Variants in PMPCA observed in about 807,000 individuals in gnomAD.
The protein encoded by PMPCA is peptidase, mitochondrial processing subunit alpha.
In PMPCA, 47 loss-of-function variants were observed where a neutral mutation model predicts 59.3. That is an observed-to-expected ratio of 0.79 (90% CI 0.63 to 1.01). PMPCA has a LOEUF of 1.01. Among genes scored for constraint, PMPCA ranks in the 50% least tolerant of loss-of-function variants. The pLI is 0.00. For missense variants in PMPCA, 726 were observed against 704.5 expected (o/e 1.03, Z -0.34); for synonymous variants, 338 against 290.3 (o/e 1.16, Z -1.67).
intron 2 of PMPCA, 79 bp from the exon 3 acceptor site, chr9:136,412,411 G>T: frequency 2.5e-6 from 2 of 812,304 alleles, no homozygotes; most frequent in South Asian, 1.5e-5. Context: ...ATGTCATATT[G>T]ACATCTTAAA....
rs755363235 is a variant in PMPCA, at chr9:136,419,216, G to A, written c.1263+110G>A. On this transcript the variant is annotated intron_variant, in intron 11 of 12. Coordinates refer to ENST00000371717, the MANE Select transcript of PMPCA (RefSeq NM_015160.3). ...CCTGGTCCCTGAGCCTCAGGGCCAAGGTCCCGGCAGGGCAGGGCAGGGCAG... is the reference window on the plus strand; with the variant it reads ...CCTGGTCCCTGAGCCTCAGGGCCAAAGTCCCGGCAGGGCAGGGCAGGGCAG... 6.7e-6 allele frequency: 7 copies of A among 1,041,546 alleles called. No individual in the cohort carries two copies. In the South Asian group the frequency reaches 7.6e-5, roughly 11 times the overall value. 64.5% of individuals were successfully genotyped at this position (1,041,546 alleles called of 1,614,324 possible).
At chr9:136,416,702 T>G in intron 6 of PMPCA, 2 of 590,870 alleles carry the variant, frequency 3.4e-6, no homozygotes, top group Non-Finnish European at 6.0e-6. Flanking sequence ...ATTTTCCAGT[T>G]TTTATAGTAA....
Position 136,422,007 on chromosome 9 carries a change from C to T in PMPCA, c.1408+31C>T, listed in dbSNP as rs11145972. On this transcript the variant is annotated intron_variant, in intron 12 of 12. Transcript: ENST00000371717. ...TACCGCAGGGGTAGTGAGGGGCTGC[C>T]GCAGGCCTCGGCCAGGCTCAGAGGA... 0.034 allele frequency: 54,210 copies of T among 1,583,112 alleles called. 1,162 individuals carry two copies. Among genetic ancestry groups the T allele is most frequent in the East Asian group, 0.098 (4,221 of 42,978 alleles).
At chr9:136,419,479 G>A (rs1453482193) in intron 11 of PMPCA, 1 of 387,328 alleles carries the variant, frequency 2.6e-6, no homozygotes, top group Non-Finnish European at 4.9e-6. Flanking sequence ...CCGCCTCTGT[G>A]AGGTGACTGG....
At chr9:136,418,422 C>G (rs188514375) in intron 8 of PMPCA, 133 bp from the exon 9 acceptor site, 34 of 684,892 alleles carry the variant, frequency 5.0e-5, no homozygotes, top group Non-Finnish European at 8.3e-5. Flanking sequence ...CTCTGCCCTC[C>G]GTCCCTGGCG....
intron 1 of PMPCA, among the ~76,000 whole-genome samples, chr9:136,411,678 C>A (rs1835121861): frequency 6.6e-6 from 1 of 152,310 alleles, no homozygotes; most frequent in African/African-American, 2.4e-5. Flanking sequence ...TCCAAGACTT[C>A]GGTGGTGCTG....
chr9:136,417,268 CG>C (rs1835309627), intron 7 of PMPCA, 54 bp downstream of exon 7: 1 of 1,454,942 alleles, frequency 6.9e-7, no homozygotes, highest in Admixed American at 2.1e-5. Flanking sequence ...TCCCCTGGCC[CG>C]TGGTGTGACC....
At chr9:136,413,777 C>CT (rs1234133215) in intron 4 of PMPCA, among the ~76,000 whole-genome samples, 1 of 152,194 alleles carries the variant, frequency 6.6e-6, no homozygotes, top group Non-Finnish European at 1.5e-5. Flanking sequence ...GGCTTTTGTT[C>CT]TTGCCATTCT....
In PMPCA at chr9:136,419,471, G is replaced by A. The variant is rs115946076; in HGVS notation, c.1263+365G>A. 897 of 399,428 alleles carry A rather than the reference G, an allele frequency of 2.2e-3. 4 individuals are homozygous for A. Among genetic ancestry groups the A allele is most frequent in the African/African-American group, 0.016 (795 of 49,468 alleles). 24.7% of individuals were successfully genotyped at this position (399,428 alleles called of 1,614,324 possible). A position where few individuals can be genotyped will look rare whatever the true frequency, so the allele number is the denominator to read the frequency against. ...AGGAGTTTTTGTGTCCTTCTCAGCC[G>A]CCTCTGTGAGGTGACTGGGGTGAAG... On this transcript the variant is annotated intron_variant, in intron 11 of 12. Transcript: ENST00000371717.
chr9:136,413,024 G>T (rs1835178650), intron 4 of PMPCA, 132 bp downstream of exon 4: 1 of 680,772 alleles, frequency 1.5e-6, no homozygotes, highest in Admixed American at 2.5e-5. Flanking sequence ...CCCTGTCCTG[G>T]ATGGAGACTT....
rs147737752 is a variant in PMPCA at position 136,418,834 on chromosome 9, C to T, written c.1116C>T (p.His372=). 2 of 1,611,704 alleles carry T rather than the reference C, an allele frequency of 1.2e-6. No homozygotes were observed. Among genetic ancestry groups the T allele is most frequent in the Non-Finnish European group, 1.7e-6 (2 of 1,178,746 alleles). Residue 372 remains histidine (H), a synonymous_variant, in exon 10 of 13, where the codon CAC becomes CAT. Coordinates refer to ENST00000371717, the MANE Select transcript of PMPCA (RefSeq NM_015160.3). ...RLYLNVLNRH[H]WMYNATSYHH... ...GACTCTCGCTTCCTCCCAGGCACCA[C>T]TGGATGTATAACGCGACCTCCTACC...
intron 1 of PMPCA, among the ~76,000 whole-genome samples, chr9:136,411,650 T>C (rs1442611674): frequency 1.3e-5 from 2 of 152,212 alleles, no homozygotes; most frequent in Non-Finnish European, 2.9e-5. Flanking sequence ...ACCAGGTTAA[T>C]AAGGGATATG....
At chr9:136,412,223 G>C in intron 2 of PMPCA, 24 bp downstream of exon 2, 2 of 1,549,256 alleles carry the variant, frequency 1.3e-6, no homozygotes, top group Non-Finnish European at 1.8e-6. Context: ...TGTTGTCGTG[G>C]GTGGTCCCGC....
intron 11 of PMPCA, among the ~76,000 whole-genome samples, chr9:136,421,404 G>GTTTTTTTGTTTTTTTTTTTTTTTTT (rs780035978): frequency 8.5e-6 from 1 of 118,008 alleles, no homozygotes; most frequent in Non-Finnish European, 1.7e-5. Flanking sequence ...CTGGGTTCCC[G>GTTTTTTTGTTTTTTTTTTTTTTTTT]TTTTTTTTTT....
chr9:136,422,353 G>C (rs1241009665), intron 12 of PMPCA: 5 of 1,143,442 alleles, frequency 4.4e-6, no homozygotes, highest in Non-Finnish European at 5.4e-6. Flanking sequence ...CTGTACCGTT[G>C]CTGGCTCTCG....
intron 11 of PMPCA, chr9:136,420,907 C>T (rs1406563942): frequency 6.6e-6 from 1 of 150,490 alleles, no homozygotes; most frequent in Non-Finnish European, 1.5e-5. Flanking sequence ...ACCTGGGCAA[C>T]ATAGCAAGAC....
rs544057335 is a variant in PMPCA at position 136,421,777 on chromosome 9, G to A, written c.1264-55G>A. Reference sequence around the variant, plus strand: ...GCGTTTTGCCATTGCTCGAGTGGGGGGTGGAAGGTGGCACGGGGCGGGTGT... The same window carrying A: ...GCGTTTTGCCATTGCTCGAGTGGGGAGTGGAAGGTGGCACGGGGCGGGTGT... On this transcript the variant is annotated intron_variant, in intron 11 of 12. Transcript: ENST00000371717. 8 of 1,488,736 alleles carry A rather than the reference G, an allele frequency of 5.4e-6. No individual in the cohort carries two copies. In the East Asian group the frequency reaches 1.8e-4, roughly 34 times the overall value. 92.2% of individuals were successfully genotyped at this position (1,488,736 alleles called of 1,614,324 possible). A position where few individuals can be genotyped will look rare whatever the true frequency, so the allele number is the denominator to read the frequency against.
intron 10 of PMPCA, 32 bp from the exon 11 acceptor site, chr9:136,419,012 C>T (rs1835367871): frequency 1.2e-6 from 2 of 1,608,792 alleles, no homozygotes; most frequent in Non-Finnish European, 1.7e-6. Flanking sequence ...CAGGCGCAGG[C>T]CACACTGTTA....
At chr9:136,422,324 G>T in intron 12 of PMPCA, 1 of 1,195,116 alleles carries the variant, frequency 8.4e-7, no homozygotes, top group Non-Finnish European at 1.1e-6. Flanking sequence ...ACGTGGAGTA[G>T]CAGTGGCTCG....
Sources: allele counts gnomAD v4.1 joint callset (sites outside exome capture counted in the v4.1 genomes callset), GRCh38; gene constraint gnomAD v4.1.1; transcripts MANE v1.5; gene names NCBI Gene and HGNC (gene_info 2026-07-23, HGNC 2026-07-21).